The following IGSF21 variants were observed in gnomAD, a reference collection of about 807,000 sequenced individuals.
IGSF21 encodes immunoglobin superfamily member 21, also known as immunoglobulin superfamily member 21.
A neutral mutation model predicts 46.8 loss-of-function variants in IGSF21; 28 were observed. That is an observed-to-expected ratio of 0.60 (90% CI 0.44 to 0.82). The LOEUF (loss-of-function observed/expected upper bound fraction) is 0.82. IGSF21 is among the 40% of genes least tolerant of loss of function. The probability of loss-of-function intolerance (pLI) is 0.00; values close to 1 mark genes in which losing one functional copy is unlikely to be tolerated. For missense variants in IGSF21, 624 were observed against 665.5 expected (o/e 0.94, Z 0.69); for synonymous variants, 284 against 273.6 (o/e 1.04, Z -0.38).
At chr1:18,114,677 C>T (rs1357164091) in intron 1 of IGSF21, 6 of 152,206 alleles carry the variant, frequency 3.9e-5, no homozygotes, top group Admixed American at 3.9e-4. Flanking sequence ...CCCATTATTC[C>T]ATTTAGACCT....
At position 18,156,338 on chromosome 1, in the gene IGSF21, C is replaced by T. The variant is rs564643214; in HGVS notation, c.70+48140C>T. Among the ~76,000 whole-genome samples the T allele has an allele frequency of 3.3e-5, 5 of 152,350 alleles. 1 individual carries two copies. The highest frequency in any genetic ancestry group is 1.2e-4 in the African/African-American group (5 of 41,576). ...CACTGGGCACTCCTCGCTGGCCAAG[C>T]TCCGTGCCCACAACCTCACACTTCA... On this transcript the variant is annotated intron_variant, in intron 1 of 9. Transcript: ENST00000251296.
intron 2 of IGSF21, among the ~76,000 whole-genome samples, chr1:18,269,241 G>A (rs978209099): frequency 2.0e-5 from 3 of 152,154 alleles, no homozygotes; most frequent in Non-Finnish European, 2.9e-5. Context: ...GAGACTTGGG[G>A]TGATCCACCT....
chr1:18,127,446 G>A (rs1469308720), intron 1 of IGSF21, among the ~76,000 whole-genome samples: 4 of 152,092 alleles, frequency 2.6e-5, no homozygotes, highest in Admixed American at 6.5e-5. Flanking sequence ...AGATATTTCT[G>A]GTGGAGAAGC....
At chr1:18,232,101 T>A (rs1241200984) in intron 2 of IGSF21, among the ~76,000 whole-genome samples, 1 of 151,968 alleles carries the variant, frequency 6.6e-6, no homozygotes, top group Non-Finnish European at 1.5e-5. Context: ...AACTTGAGGA[T>A]GCTTTTCACC....
intron 3 of IGSF21, among the ~76,000 whole-genome samples, chr1:18,304,804 C>G (rs1405575035): frequency 7.9e-5 from 12 of 152,044 alleles, no homozygotes; most frequent in African/African-American, 2.9e-4. Context: ...AGCTTTATTA[C>G]TAATTATGCA....
At chr1:18,126,794 G>C (rs1020191020) in intron 1 of IGSF21, among the ~76,000 whole-genome samples, 4 of 152,104 alleles carry the variant, frequency 2.6e-5, no homozygotes, top group South Asian at 2.1e-4. Flanking sequence ...GCCCAGTCCT[G>C]AGGCTTCCTC....
At chr1:18,191,222 C>T (rs1388179368) in intron 1 of IGSF21, among the ~76,000 whole-genome samples, 2 of 152,148 alleles carry the variant, frequency 1.3e-5, no homozygotes, top group Non-Finnish European at 2.9e-5. Context: ...GACCTCAGGC[C>T]AGTCACTTGC....
At chr1:18,366,743 G>C (rs993275328) in intron 6 of IGSF21, among the ~76,000 whole-genome samples, 18 of 152,114 alleles carry the variant, frequency 1.2e-4, no homozygotes, top group Non-Finnish European at 1.9e-4. Flanking sequence ...GACACTGGCT[G>C]CCCAGAGACA....
intron 1 of IGSF21, among the ~76,000 whole-genome samples, chr1:18,143,459 T>G (rs2086436827): frequency 6.6e-6 from 1 of 152,140 alleles, no homozygotes; most frequent in African/African-American, 2.4e-5. Flanking sequence ...GGCTCCCCAG[T>G]GCCCAGTCAT....
chr1:18,185,083 G>A (rs976481482), intron 1 of IGSF21, among the ~76,000 whole-genome samples: 2 of 152,196 alleles, frequency 1.3e-5, no homozygotes, highest in Non-Finnish European at 2.9e-5. Flanking sequence ...CTCATGCATG[G>A]CAGATGGAGA....
chr1:18,372,139 G>A (rs531566596), intron 6 of IGSF21, among the ~76,000 whole-genome samples: 11 of 152,266 alleles, frequency 7.2e-5, no homozygotes, highest in African/African-American at 1.4e-4. Context: ...TTCTTTATCC[G>A]CCTAGTTCAC....
intron 2 of IGSF21, among the ~76,000 whole-genome samples, chr1:18,252,044 C>CTT (rs1557608067): frequency 6.2e-4 from 61 of 98,982 alleles, no homozygotes; most frequent in East Asian, 1.5e-3. Flanking sequence ...CTGACCAAGG[C>CTT]GTTTTTTTTT....
chr1:18,278,936 T>C (rs1396281208), intron 2 of IGSF21: 7 of 471,116 alleles, frequency 1.5e-5, no homozygotes, highest in Non-Finnish European at 3.1e-5. Flanking sequence ...TTCCTGCATG[T>C]TGGGAAATGT....
intron 1 of IGSF21, among the ~76,000 whole-genome samples, chr1:18,118,566 A>G (rs1248673949): frequency 1.3e-5 from 2 of 152,230 alleles, no homozygotes; most frequent in African/African-American, 4.8e-5. Context: ...CCCAGCACCT[A>G]ATGTCCCAGG....
intron 3 of IGSF21, among the ~76,000 whole-genome samples, chr1:18,304,469 C>G (rs966768982): frequency 6.6e-6 from 1 of 152,152 alleles, no homozygotes; most frequent in Non-Finnish European, 1.5e-5. Flanking sequence ...CTCTCATTCT[C>G]CACCTGAGAA....
chr1:18,358,873 C>T (rs2086053247), intron 4 of IGSF21, among the ~76,000 whole-genome samples: 1 of 152,168 alleles, frequency 6.6e-6, no homozygotes, highest in Non-Finnish European at 1.5e-5. Context: ...AGCCATTGTC[C>T]TGTACTACCT....
At chr1:18,375,373 G>T (rs967069858) in intron 6 of IGSF21, among the ~76,000 whole-genome samples, 7 of 152,080 alleles carry the variant, frequency 4.6e-5, no homozygotes, top group Non-Finnish European at 1.0e-4. Context: ...ATGGTTAACT[G>T]GCTCTGTGAG....
At chr1:18,315,642 A>T (rs2085535209) in intron 3 of IGSF21, among the ~76,000 whole-genome samples, 1 of 150,858 alleles carries the variant, frequency 6.6e-6, no homozygotes, top group South Asian at 2.1e-4. Flanking sequence ...GGTAGGATGG[A>T]TGGGTGGATG....
At chr1:18,376,097 G>C (rs999027652) in intron 6 of IGSF21, 8 of 528,468 alleles carry the variant, frequency 1.5e-5, no homozygotes, top group Admixed American at 5.8e-5. Flanking sequence ...TGACTCCCCA[G>C]GTCCTAGAGA....
Sources: allele counts gnomAD v4.1 joint callset (sites outside exome capture counted in the v4.1 genomes callset), GRCh38; gene constraint gnomAD v4.1.1; transcripts MANE v1.5; gene names NCBI Gene and HGNC (gene_info 2026-07-23, HGNC 2026-07-21).